The following CCSER1 variants were observed in gnomAD, a reference collection of about 807,000 sequenced individuals.
The protein encoded by CCSER1 is coiled-coil serine rich protein 1, also known as serine-rich coiled-coil domain-containing protein 1.
CCSER1 carries 41 observed loss-of-function variants against 82.0 expected under a neutral mutation model. The observed-to-expected ratio is 0.50, with a 90% CI of 0.39 to 0.65. The LOEUF (loss-of-function observed/expected upper bound fraction) is 0.65. Ranked by LOEUF, CCSER1 falls within the 30% of genes least tolerant of loss-of-function variation. The pLI is 0.00. For missense variants in CCSER1, 1,119 were observed against 1,064.2 expected, an observed-to-expected ratio of 1.05 and a Z score of -0.72; for synonymous variants, 414 against 383.9, an observed-to-expected ratio of 1.08 and a Z score of -0.92.
intron 1 of CCSER1, among the ~76,000 whole-genome samples, chr4:90,281,555 A>T (rs548029665): frequency 6.6e-6 from 1 of 152,074 alleles, no homozygotes; most frequent in Admixed American, 6.6e-5. Context: ...TGAGTTATAT[A>T]GTTTCCCAGC....
chr4:91,172,018 T>G (rs1464025279), intron 10 of CCSER1, among the ~76,000 whole-genome samples: 1 of 152,138 alleles, frequency 6.6e-6, no homozygotes, highest in Non-Finnish European at 1.5e-5. Flanking sequence ...AATCCTATTA[T>G]TCAATAACAT....
intron 1 of CCSER1, among the ~76,000 whole-genome samples, chr4:90,277,774 A>T (rs534989782): frequency 6.6e-6 from 1 of 152,158 alleles, no homozygotes; most frequent in East Asian, 1.9e-4. Context: ...AGCCTTGGCA[A>T]TAATTTATGA....
chr4:91,334,956 A>T (rs1019717408), intron 10 of CCSER1, among the ~76,000 whole-genome samples: 2 of 152,084 alleles, frequency 1.3e-5, no homozygotes, highest in Admixed American at 1.3e-4. Context: ...TTGTGTGTTG[A>T]ATTCTGCCTG....
intron 4 of CCSER1, among the ~76,000 whole-genome samples, chr4:90,453,859 C>T (rs1448422451): frequency 6.6e-6 from 1 of 152,170 alleles, no homozygotes; most frequent in African/African-American, 2.4e-5. Flanking sequence ...AGGACTACTT[C>T]AGTGTCCAGG....
chr4:91,579,094 G>T (rs1173862270), intron 10 of CCSER1, among the ~76,000 whole-genome samples: 3 of 150,932 alleles, frequency 2.0e-5, no homozygotes, highest in African/African-American at 7.3e-5. Context: ...TTTCTTCCTT[G>T]CATCATCCTT....
chr4:90,991,392 G>A (rs1737013514), intron 9 of CCSER1, among the ~76,000 whole-genome samples: 1 of 151,964 alleles, frequency 6.6e-6, no homozygotes, highest in African/African-American at 2.4e-5. Flanking sequence ...AGGCCATGCT[G>A]TCTCTGAAGC....
intron 10 of CCSER1, among the ~76,000 whole-genome samples, chr4:91,576,789 C>T (rs1036203867): frequency 6.6e-6 from 1 of 151,878 alleles, no homozygotes; most frequent in African/African-American, 2.4e-5. Flanking sequence ...TGTAACACCA[C>T]ATCAGTGCTC....
At chr4:91,399,725 T>A (rs1010947472) in intron 10 of CCSER1, among the ~76,000 whole-genome samples, 2 of 152,002 alleles carry the variant, frequency 1.3e-5, no homozygotes, top group Admixed American at 1.3e-4. Context: ...ATTTTTCCTG[T>A]CATTTGGTAG....
chr4:90,656,562 A>G (rs1729738897), intron 6 of CCSER1, among the ~76,000 whole-genome samples: 1 of 151,794 alleles, frequency 6.6e-6, no homozygotes, highest in Non-Finnish European at 1.5e-5. Context: ...GTCTCTAGTG[A>G]CAGCATATAG....
chr4:90,237,516 T>C (rs564681398), intron 1 of CCSER1, among the ~76,000 whole-genome samples: 3 of 152,300 alleles, frequency 2.0e-5, no homozygotes, highest in South Asian at 4.1e-4. Flanking sequence ...TTTAAAAGAT[T>C]AAAATCAATT....
At chr4:90,652,401 A>C (rs1295112416) in intron 6 of CCSER1, among the ~76,000 whole-genome samples, 1 of 152,170 alleles carries the variant, frequency 6.6e-6, no homozygotes, top group Non-Finnish European at 1.5e-5. Flanking sequence ...GATTTTCAGC[A>C]CTTTTCTTCT....
At chr4:90,405,879 A>C (rs766768357) in intron 4 of CCSER1, among the ~76,000 whole-genome samples, 96 of 152,298 alleles carry the variant, frequency 6.3e-4, no homozygotes, top group South Asian at 1.2e-3. Flanking sequence ...TCTTGAAACA[A>C]ATTTTCAAAA....
At chr4:90,729,044 C>A (rs1744231437) in intron 7 of CCSER1, among the ~76,000 whole-genome samples, 6 of 152,172 alleles carry the variant, frequency 3.9e-5, no homozygotes, top group Admixed American at 3.9e-4. Context: ...TTTTGCCACT[C>A]TCTAGCTATG....
rs576814140 is a variant in CCSER1 at position 91,452,672 on chromosome 4, A to G, written c.2218-145900A>G. ...GGAAAATGAAATTCATACATCTTAA[A>G]ACAACTGAATGAATTCCTTAATTTC... On this transcript the variant is annotated intron_variant, in intron 10 of 10. Transcript: ENST00000509176. Among the ~76,000 whole-genome samples, 3 of 152,192 alleles carry G rather than the reference A, an allele frequency of 2.0e-5. No homozygotes were observed. In the South Asian group the frequency reaches 6.2e-4, roughly 31 times the overall value.
At chr4:90,137,786 A>G (rs1578144568) in intron 1 of CCSER1, among the ~76,000 whole-genome samples, 1 of 152,186 alleles carries the variant, frequency 6.6e-6, no homozygotes, top group South Asian at 2.1e-4. Flanking sequence ...AATGCAAAAC[A>G]TGCCGTTTTT....
chr4:90,476,183 C>T (rs1765077639), intron 5 of CCSER1, among the ~76,000 whole-genome samples: 2 of 152,108 alleles, frequency 1.3e-5, no homozygotes, highest in Admixed American at 6.6e-5. Context: ...TTGCCTTAGG[C>T]CCTGCATGTG....
At chr4:91,594,293 ATATATG>A (rs977944374) in intron 10 of CCSER1, among the ~76,000 whole-genome samples, 31 of 150,332 alleles carry the variant, frequency 2.1e-4, no homozygotes, top group East Asian at 5.9e-4. Flanking sequence ...ATATGTGTGT[ATATATG>A]TATATGTATA....
intron 8 of CCSER1, 50 bp downstream of exon 8, chr4:90,815,895 A>G (rs1207640864): frequency 7.6e-7 from 1 of 1,321,012 alleles, no homozygotes; most frequent in Non-Finnish European, 1.1e-6. Flanking sequence ...TTTCAAGGTT[A>G]TTTGTTCCAC....
intron 10 of CCSER1, among the ~76,000 whole-genome samples, chr4:91,563,138 TAAAG>T (rs1369340155): frequency 6.6e-6 from 1 of 151,466 alleles, no homozygotes; most frequent in African/African-American, 2.4e-5. Flanking sequence ...GGTTCCAAAA[TAAAG>T]AAAAGAAGGA....
Sources: allele counts gnomAD v4.1 joint callset (sites outside exome capture counted in the v4.1 genomes callset), GRCh38; gene constraint gnomAD v4.1.1; transcripts MANE v1.5; gene names NCBI Gene and HGNC (gene_info 2026-07-23, HGNC 2026-07-21).